The following ELOVL1 variants were observed in gnomAD, a reference collection of about 807,000 sequenced individuals.
ELOVL1 encodes ELOVL fatty acid elongase 1, also known as very long chain fatty acid elongase 1.
A neutral mutation model predicts 37.8 loss-of-function variants in ELOVL1; 10 were observed. That is an observed-to-expected ratio of 0.26 (90% CI 0.16 to 0.45). ELOVL1 has a LOEUF of 0.45. ELOVL1 is among the 20% of genes least tolerant of loss of function. The pLI is 1.00. For synonymous variants in ELOVL1, 133 were observed against 123.8 expected (o/e 1.07, Z -0.49); for missense variants, 256 against 352.7 (o/e 0.73, Z 2.20).
intron 2 of ELOVL1, 22 bp downstream of exon 2, chr1:43,365,541 AG>A (rs765930487): frequency 5.5e-4 from 887 of 1,614,090 alleles, no homozygotes; most frequent in Admixed American, 9.5e-4. Flanking sequence ...AAGGAAGGAA[AG>A]GGCTGGTGGA....
Position 43,365,570 on chromosome 1 carries a change from G to C in ELOVL1, c.40C>G (p.His14Asp). Residue 14 changes from histidine (H) to aspartate (D), a missense_variant, in exon 2 of 8, where the codon CAC becomes GAC. By Grantham distance (81) the His-to-Asp change is moderately conservative. Coordinates refer to ENST00000372458, the MANE Select transcript of ELOVL1 (RefSeq NM_022821.4). ...CTGGTGGATAGCGTCTTACCTGCGT[G>C]CTTCATCACCTCTTGGTACAAGTTC... ...VVNLYQEVMK[H>D]ADPRIQGYPL... 1 of 1,614,106 alleles carries C rather than the reference G, an allele frequency of 6.2e-7. No individual in the cohort carries two copies.
chr1:43,363,458 T>C lies in ELOVL1; in HGVS notation c.*458A>G. 1 of 411,870 alleles carries C rather than the reference T, an allele frequency of 2.4e-6. No individual in the cohort carries two copies. The highest frequency in any genetic ancestry group is 4.4e-6 in the Non-Finnish European group (1 of 228,962). 25.5% of individuals were successfully genotyped at this position (411,870 alleles called of 1,614,324 possible). On this transcript the variant is annotated 3_prime_UTR_variant, in exon 8 of 8. Transcript: ENST00000372458. ...AGTTGAGTAAGCAGCCTCCACAGGC[T>C]GTATTCCCAGGCCCCCGCCCACCCT...
Position 43,364,354 on chromosome 1 carries a change from C to A in ELOVL1, c.588G>T (p.Trp196Cys). 6.2e-7 allele frequency: 1 copy of A among 1,614,134 alleles called. No homozygotes were observed. Among genetic ancestry groups the A allele is most frequent in the East Asian group, 2.2e-5 (1 of 44,878 alleles). Residue 196 changes from tryptophan to cysteine, a missense_variant, in exon 7 of 8, where the codon TGG becomes TGT. This residue lies in a region of ELOVL1 where 39 missense variants were observed against 89.9 expected (regional missense o/e 0.43). Coordinates refer to ENST00000372458, the MANE Select transcript of ELOVL1 (RefSeq NM_022821.4). This position sits in a 1 kb window ranked among gnomAD's most constrained non-coding sequence, Gnocchi z 5.2. ...AFGPVAQPYLWWKKHMTAIQL... is the reference protein window; with the variant it reads ...AFGPVAQPYLCWKKHMTAIQL... ...GAATGGCTGTCATGTGCTTTTTCCA[C>A]CAAAGGTAGGGTTGTGCCACAGGGC...
Position 43,363,832 on chromosome 1 carries a change from T to TGTAG in ELOVL1, c.*80_*83dup. The TGTAG allele has an allele frequency of 8.0e-7, 1 of 1,253,630 alleles. No individual in the cohort carries two copies. The highest frequency in any genetic ancestry group is 1.2e-6 in the Non-Finnish European group (1 of 865,046). 77.7% of individuals were successfully genotyped at this position (1,253,630 alleles called of 1,614,324 possible). A position where few individuals can be genotyped will look rare whatever the true frequency, so the allele number is the denominator to read the frequency against. ...TGACCACATAAGCCTTGGTCACAGG[T>TGTAG]GTAGGTGGAGAGGGCACTGACGGAC... On this transcript the variant is annotated 3_prime_UTR_variant, in exon 8 of 8. Transcript: ENST00000372458.
At position 43,364,823 on chromosome 1, in the gene ELOVL1, C is replaced by A. The variant is rs1004189336; in HGVS notation, c.319-29G>T. 1.2e-5 allele frequency: 19 copies of A among 1,614,050 alleles called. No homozygotes were observed. Among genetic ancestry groups the A allele is most frequent in the Non-Finnish European group, 1.4e-5 (17 of 1,180,030 alleles). ...CAAGAAGTTGGGATAGCCTTAGGACCTCATACACTATTCTAAGAGCCTCCC... is the reference window on the plus strand; with the variant it reads ...CAAGAAGTTGGGATAGCCTTAGGACATCATACACTATTCTAAGAGCCTCCC... On this transcript the variant is annotated intron_variant, in intron 4 of 7. Transcript: ENST00000372458. The surrounding 1 kb of genome is among the most constrained non-coding windows in gnomAD (Gnocchi z 5.2).
At chr1:43,365,035 C>T (rs1016115195) in intron 3 of ELOVL1, 27 bp from the exon 4 acceptor site, 1 of 1,605,486 alleles carries the variant, frequency 6.2e-7, no homozygotes, top group Non-Finnish European at 8.5e-7. Flanking sequence ...ATTAGACCAC[C>T]AGAGTTCTCC....
In ELOVL1 at chr1:43,363,511, A is replaced by G. The variant is rs1297873578; in HGVS notation, c.*405T>C. On this transcript the variant is annotated 3_prime_UTR_variant, in exon 8 of 8. Coordinates refer to ENST00000372458, the MANE Select transcript of ELOVL1 (RefSeq NM_022821.4). ...CCTTTGGCCCAGAAGCTACTGCTTC[A>G]GTGTGTGGGGTGGAGGAGTGAGACT... The G allele has an allele frequency of 2.7e-6, 1 of 370,006 alleles. No homozygotes were observed. The highest frequency in any genetic ancestry group is 5.0e-6 in the Non-Finnish European group (1 of 201,928). The allele number at this position is 370,006 out of a possible 1,614,324, so 22.9% of individuals were successfully genotyped here.
chr1:43,363,928 G>T lies in ELOVL1; in HGVS notation c.828C>A (p.Val276=). 2 of 1,613,316 alleles carry T rather than the reference G, an allele frequency of 1.2e-6. No homozygotes were observed. The highest frequency in any genetic ancestry group is 2.2e-5 in the South Asian group (2 of 90,980). The change falls in exon 8 of 8, where the codon GTC becomes GTA. Residue 276 remains valine (V), a synonymous_variant. Transcript: ENST00000372458. Reference sequence around the variant, plus strand: ...TAGGCCATGCTTCTCAGTTGGCCTTGACCTTGGCAATACCTGGAGCTCCAT... The same window carrying T: ...TAGGCCATGCTTCTCAGTTGGCCTTTACCTTGGCAATACCTGGAGCTCCAT... ...QQNGAPGIAK[V]KAN
intron 2 of ELOVL1, 29 bp downstream of exon 2, chr1:43,365,535 A>G (rs778032133): frequency 1.3e-4 from 203 of 1,613,990 alleles, no homozygotes; most frequent in Non-Finnish European, 1.7e-4. Context: ...GGAAAGAAGG[A>G]AGGAAAGGGC....
In ELOVL1 at chr1:43,365,339, G is replaced by C; in HGVS notation, c.84C>G (p.Pro28=). The C allele has an allele frequency of 6.2e-7, 1 of 1,613,482 alleles. No homozygotes were observed. Among genetic ancestry groups the C allele is most frequent in the Non-Finnish European group, 8.5e-7 (1 of 1,179,726 alleles). The change falls in exon 3 of 8, where the codon CCC becomes CCG. Residue 28 remains proline (P), a synonymous_variant. Transcript: ENST00000372458. ...TCAGGAGAATGGAGGTCATTAGCAA[G>C]GGGGACCCCATCAGAGGGTAGCCCT... ...RIQGYPLMGS[P]LLMTSILLTY...
chr1:43,365,793 G>C (rs1210945901), intron 1 of ELOVL1, among the ~76,000 whole-genome samples, 170 bp from the exon 2 acceptor site: 3 of 152,020 alleles, frequency 2.0e-5, no homozygotes, highest in Non-Finnish European at 2.9e-5. Flanking sequence ...GTTTGGTTGA[G>C]GCATCTGCTC....
At position 43,364,093 on chromosome 1, in the gene ELOVL1, A is replaced by G. The variant is rs745696306; in HGVS notation, c.663T>C (p.Phe221=). Residue 221 remains phenylalanine, a synonymous_variant, in exon 8 of 8, where the codon TTT becomes TTC. Transcript: ENST00000372458. The surrounding 1 kb of genome is among the most constrained non-coding windows in gnomAD (Gnocchi z 5.2). ...LVSLHISQYY[F]MSSCNYQYPV... Reference sequence around the variant, plus strand: ...GGTACTGGTAGTTACAGCTGGACATAAAGTAGTACTGGGAGATGTGCAGTG... The same window carrying G: ...GGTACTGGTAGTTACAGCTGGACATGAAGTAGTACTGGGAGATGTGCAGTG... The G allele has an allele frequency of 8.1e-6, 13 of 1,614,084 alleles. No individual in the cohort carries two copies. Among genetic ancestry groups the G allele is most frequent in the Middle Eastern group, 3.3e-4 (2 of 6,084 alleles).
chr1:43,365,105 G>A, intron 3 of ELOVL1, 81 bp downstream of exon 3: 1 of 1,600,904 alleles, frequency 6.2e-7, no homozygotes, highest in East Asian at 2.2e-5. Context: ...TCTCTGGAAA[G>A]GAGAAATGCC....
intron 1 of ELOVL1, 69 bp downstream of exon 1, chr1:43,367,836 AGGGCTGGGCC>A (rs1231271572): frequency 1.2e-4 from 19 of 152,590 alleles, no homozygotes; most frequent in Middle Eastern, 3.4e-3. Flanking sequence ...AGGGCAGGGC[AGGGCTGGGCC>A]GGGCTGGGCC....
chr1:43,363,835 A>G lies in ELOVL1; in HGVS notation c.*81T>C, dbSNP rs1050203567. On this transcript the variant is annotated 3_prime_UTR_variant, in exon 8 of 8. Coordinates refer to ENST00000372458, the MANE Select transcript of ELOVL1 (RefSeq NM_022821.4). ...CCACATAAGCCTTGGTCACAGGTGT[A>G]GGTGGAGAGGGCACTGACGGACACT... is the stretch of plus-strand genomic sequence containing the variant. The G allele has an allele frequency of 7.0e-6, 9 of 1,285,334 alleles. No individual in the cohort carries two copies. In the African/African-American group the frequency reaches 1.0e-4, roughly 15 times the overall value. 79.6% of individuals were successfully genotyped at this position (1,285,334 alleles called of 1,614,324 possible).
Position 43,364,837 on chromosome 1 carries a change from T to C in ELOVL1, c.319-43A>G, listed in dbSNP as rs759506692. ...AGCCTTAGGACCTCATACACTATTCTAAGAGCCTCCCTAAACTGGGCCTTG... is the reference window on the plus strand; with the variant it reads ...AGCCTTAGGACCTCATACACTATTCCAAGAGCCTCCCTAAACTGGGCCTTG... On this transcript the variant is annotated intron_variant, in intron 4 of 7. Coordinates refer to ENST00000372458, the MANE Select transcript of ELOVL1 (RefSeq NM_022821.4). The surrounding 1 kb of genome is among the most constrained non-coding windows in gnomAD (Gnocchi z 5.2). 3 of 1,614,032 alleles carry C rather than the reference T, an allele frequency of 1.9e-6. No individual in the cohort carries two copies. The highest frequency in any genetic ancestry group is 2.5e-6 in the Non-Finnish European group (3 of 1,180,026).
chr1:43,367,206 C>T (rs773202908), intron 1 of ELOVL1: 4 of 152,580 alleles, frequency 2.6e-5, no homozygotes, highest in Non-Finnish European at 5.9e-5. Context: ...GCAACACCTC[C>T]GTGGGCTGAC....
Position 43,364,420 on chromosome 1 carries a change from C to G in ELOVL1, c.522G>C (p.Val174=), listed in dbSNP as rs932831697. The G allele has an allele frequency of 6.2e-7, 1 of 1,614,126 alleles. No individual in the cohort carries two copies. The highest frequency in any genetic ancestry group is 1.3e-5 in the African/African-American group (1 of 75,032). ...CGTAGTACAGGTACATTATGACATG[C>G]ACGGAAGAGTTTATCATGGCATGGA... ...GSFHAMINSS[V]HVIMYLYYGL... is the part of the protein sequence containing the mutation. Residue 174 remains valine, a synonymous_variant, in exon 7 of 8, where the codon GTG becomes GTC. Transcript: ENST00000372458. The surrounding 1 kb of genome is among the most constrained non-coding windows in gnomAD (Gnocchi z 5.2).
chr1:43,364,258 T>C lies in ELOVL1; in HGVS notation c.618+66A>G, dbSNP rs766504794. 2.5e-6 allele frequency: 4 copies of C among 1,612,198 alleles called. No individual in the cohort carries two copies. The highest frequency in any genetic ancestry group is 2.5e-6 in the Non-Finnish European group (3 of 1,179,184). ...GGGGTCAAAGGTGAGACAGACTGGA[T>C]AAAGGCAGGATCCAGGCTAGGAATG... On this transcript the variant is annotated intron_variant, in intron 7 of 7. Transcript: ENST00000372458. The surrounding 1 kb of genome is among the most constrained non-coding windows in gnomAD (Gnocchi z 5.2).
Sources: allele counts gnomAD v4.1 joint callset (sites outside exome capture counted in the v4.1 genomes callset), GRCh38; gene constraint gnomAD v4.1.1; regional missense constraint gnomAD v4.1.1; non-coding constraint Gnocchi (gnomAD v3.1); transcripts MANE v1.5; gene names NCBI Gene and HGNC (gene_info 2026-07-23, HGNC 2026-07-21).